Variants in RBFOX3 observed in about 807,000 individuals in gnomAD.
The protein encoded by RBFOX3 is RNA binding protein fox-1 homolog 3.
RBFOX3 carries 17 observed loss-of-function variants against 48.7 expected under a neutral mutation model. That is an observed-to-expected ratio of 0.35 (90% CI 0.24 to 0.52). The LOEUF is 0.52. Ranked by LOEUF, RBFOX3 falls within the 20% of genes least tolerant of loss-of-function variation. The pLI, the probability that RBFOX3 is intolerant of heterozygous loss-of-function variation, is 0.94. For missense variants in RBFOX3, 382 were observed against 497.5 expected (o/e 0.77, Z 2.21); for synonymous variants, 212 against 209.5 (o/e 1.01, Z -0.10).
At chr17:79,191,851 AG>A (rs2054590651) in intron 4 of RBFOX3, among the ~76,000 whole-genome samples, 1 of 152,214 alleles carries the variant, frequency 6.6e-6, no homozygotes, top group South Asian at 2.1e-4. Flanking sequence ...AGGAGAAGGC[AG>A]GGTTAGGCAG....
intron 4 of RBFOX3, among the ~76,000 whole-genome samples, chr17:79,196,916 G>T (rs1024386225): frequency 2.0e-5 from 3 of 152,158 alleles, no homozygotes; most frequent in Non-Finnish European, 4.4e-5. Context: ...GGTGTGCCGT[G>T]GAAGTGTACT....
intron 4 of RBFOX3, among the ~76,000 whole-genome samples, chr17:79,144,763 C>G (rs573868588): frequency 2.0e-5 from 3 of 152,190 alleles, no homozygotes; most frequent in East Asian, 1.9e-4. Flanking sequence ...AGGTGCCCCC[C>G]ACTCGGGCAC....
At chr17:79,659,594 C>T in the RBFOX3 span, among the ~76,000 whole-genome samples, 1 of 152,142 alleles carries the variant, frequency 6.6e-6, no homozygotes, top group Admixed American at 6.5e-5. Flanking sequence ...AGCCACACCC[C>T]AGACACCACG....
intron 2 of RBFOX3, among the ~76,000 whole-genome samples, chr17:79,312,831 T>C (rs973669791): frequency 2.0e-5 from 3 of 152,184 alleles, no homozygotes; most frequent in African/African-American, 4.8e-5. Flanking sequence ...CAGCTCTCTG[T>C]AGCTGCTGTA....
At chr17:79,400,533 T>C (rs929871226) in intron 2 of RBFOX3, among the ~76,000 whole-genome samples, 2 of 151,576 alleles carry the variant, frequency 1.3e-5, no homozygotes, top group African/African-American at 4.8e-5. Context: ...TACCAGAGGT[T>C]GGCGCTTCAA....
intron 14 of RBFOX3, among the ~76,000 whole-genome samples, chr17:79,093,791 CCACACACACACA>C (rs60453390): frequency 1.9e-4 from 27 of 143,934 alleles, no homozygotes; most frequent in African/African-American, 3.6e-4. Context: ...CAACAGCTGG[CCACACACACACA>C]CACACACACA....
chr17:79,397,183 A>G (rs2062095435), intron 2 of RBFOX3, among the ~76,000 whole-genome samples: 1 of 152,158 alleles, frequency 6.6e-6, no homozygotes, highest in African/African-American at 2.4e-5. Flanking sequence ...ATAAGTGACT[A>G]TCCTTTTAAG....
intron 4 of RBFOX3, among the ~76,000 whole-genome samples, chr17:79,229,922 G>T (rs1213971596): frequency 2.0e-5 from 3 of 152,164 alleles, no homozygotes; most frequent in African/African-American, 7.2e-5. Context: ...GACATGGGAC[G>T]GCAGGTTTCA....
At chr17:79,555,047 T>C (rs903345614) in intron 1 of RBFOX3, among the ~76,000 whole-genome samples, 118 of 152,344 alleles carry the variant, frequency 7.7e-4, no homozygotes, top group South Asian at 1.5e-3. Flanking sequence ...CAGGCTTGAG[T>C]GTCAGGCAGA....
intron 2 of RBFOX3, among the ~76,000 whole-genome samples, chr17:79,358,468 T>C (rs2085649300): frequency 6.6e-6 from 1 of 152,162 alleles, no homozygotes; most frequent in Non-Finnish European, 1.5e-5. Context: ...TTCTTTCTTT[T>C]TCTCTTTTTT....
chr17:79,611,660 A>G (rs1193414982), upstream of RBFOX3, among the ~76,000 whole-genome samples: 1 of 152,158 alleles, frequency 6.6e-6, no homozygotes, highest in Non-Finnish European at 1.5e-5. Context: ...GTGGTCACCA[A>G]GCATCAGGGA....
chr17:79,465,392 ACACCACGGAGGACTGGAGG>A (rs2076173459), intron 2 of RBFOX3, among the ~76,000 whole-genome samples: 1 of 152,164 alleles, frequency 6.6e-6, no homozygotes, highest in Non-Finnish European at 1.5e-5. Flanking sequence ...TGTTAAGTAC[ACACCACGGAGGACTGGAGG>A]GCCACGGGTC....
At chr17:79,100,948 C>T (rs2076316793) in intron 9 of RBFOX3, among the ~76,000 whole-genome samples, 1 of 152,180 alleles carries the variant, frequency 6.6e-6, no homozygotes, top group South Asian at 2.1e-4. Flanking sequence ...AGCCTGGGGC[C>T]TCAGGGCCAC....
intron 2 of RBFOX3, among the ~76,000 whole-genome samples, chr17:79,348,857 T>G (rs1279483190): frequency 1.3e-5 from 2 of 151,882 alleles, no homozygotes; most frequent in African/African-American, 4.8e-5. Flanking sequence ...ATTACAGACA[T>G]GAGCCACCAC....
the RBFOX3 span, among the ~76,000 whole-genome samples, chr17:79,652,154 G>T: frequency 6.6e-6 from 1 of 152,104 alleles, no homozygotes; most frequent in Non-Finnish European, 1.5e-5. Flanking sequence ...GTGTTTGGGG[G>T]TAATTTGTGA....
At chr17:79,572,302 G>A (rs886900883) in intron 1 of RBFOX3, among the ~76,000 whole-genome samples, 12 of 152,252 alleles carry the variant, frequency 7.9e-5, no homozygotes, top group Non-Finnish European at 1.5e-4. Flanking sequence ...CCCGCCACCC[G>A]GCTTAGCCAT....
chr17:79,165,049 T>C (rs925059541), intron 4 of RBFOX3, among the ~76,000 whole-genome samples: 1 of 151,728 alleles, frequency 6.6e-6, no homozygotes, highest in Non-Finnish European at 1.5e-5. Context: ...ACATGGCCCC[T>C]GAACAAAAGC....
chr17:79,445,693 T>A (rs1209069320), intron 2 of RBFOX3, among the ~76,000 whole-genome samples: 3 of 152,160 alleles, frequency 2.0e-5, no homozygotes, highest in Non-Finnish European at 2.9e-5. Context: ...GATGGGGCAT[T>A]CCAAAGCCCA....
At chr17:79,102,017 G>T (rs2076535922) in intron 8 of RBFOX3, among the ~76,000 whole-genome samples, 1 of 152,190 alleles carries the variant, frequency 6.6e-6, no homozygotes, top group Non-Finnish European at 1.5e-5. Context: ...CCTCCTCCCT[G>T]AGGCTGCCAA....
Sources: gnomAD v4.1 joint callset for allele counts (sites outside exome capture counted in the v4.1 genomes callset) on GRCh38, gnomAD v4.1.1 for gene constraint, MANE v1.5 for transcripts, NCBI Gene and HGNC (gene_info 2026-07-23, HGNC 2026-07-21) for gene names.